The following PLPPR5 variants were observed in gnomAD, a reference collection of about 807,000 sequenced individuals.
The protein encoded by PLPPR5 is phospholipid phosphatase related 5.
A neutral mutation model predicts 33.9 loss-of-function variants in PLPPR5; 16 were observed. That is an observed-to-expected ratio of 0.47 (90% confidence interval 0.32 to 0.72). The LOEUF is 0.72. PLPPR5 is among the 30% of genes least tolerant of loss of function. The pLI is 0.03. For missense variants in PLPPR5, 301 were observed against 406.7 expected (o/e 0.74, Z 2.23); for synonymous variants, 163 against 150.3 (o/e 1.08, Z -0.62).
intron 1 of PLPPR5, among the ~76,000 whole-genome samples, chr1:98,986,064 C>T (rs1454005410): frequency 2.0e-5 from 3 of 151,916 alleles, no homozygotes; most frequent in Non-Finnish European, 4.4e-5. Context: ...TACAAATGCA[C>T]TTGTCACCGT....
chr1:98,952,385 G>C (rs1263150426), intron 3 of PLPPR5, among the ~76,000 whole-genome samples: 3 of 152,138 alleles, frequency 2.0e-5, no homozygotes, highest in Non-Finnish European at 4.4e-5. Context: ...GGGAGAGGCT[G>C]ATGGTACCAT....
In PLPPR5 at chr1:98,892,492, A is replaced by G. The variant is rs1648311399; in HGVS notation, c.*580T>C. The G allele has an allele frequency of 6.6e-6, 1 of 152,592 alleles. No homozygotes were observed. Among genetic ancestry groups the G allele is most frequent in the Admixed American group, 6.6e-5 (1 of 15,238 alleles). The allele number at this position is 152,592 out of a possible 1,614,324, so 9.5% of individuals were successfully genotyped here. ...ATGAATAGTATTTTAAGTGAAATAT[A>G]ACATAATATAATGTGGAAACATTAT... On this transcript the variant is annotated 3_prime_UTR_variant, in exon 6 of 6. Transcript: ENST00000263177.
Position 98,892,893 on chromosome 1 carries a change from G to T in PLPPR5, c.*179C>A. ...GACACAGAAAAAAAAAGACAATCCT[G>T]CCCTCGAGGAGCTCACAGTCTAGTG... On this transcript the variant is annotated 3_prime_UTR_variant, in exon 6 of 6. Coordinates refer to ENST00000263177, the MANE Select transcript of PLPPR5 (RefSeq NM_001037317.2). The T allele has an allele frequency of 1.7e-6, 1 of 605,650 alleles. No homozygotes were observed. Among genetic ancestry groups the T allele is most frequent in the Non-Finnish European group, 2.8e-6 (1 of 351,376 alleles). The allele number at this position is 605,650 out of a possible 1,614,324, so 37.5% of individuals were successfully genotyped here.
rs1056054608 is a variant in PLPPR5 at position 98,967,197 on chromosome 1, T to C, written c.238-10456A>G. Reference sequence around the variant, plus strand: ...ATAGAAAGAGAGGTTAAATAAATCCTAAAGTAAAAACAAATCCAACACTCT... The same window carrying C: ...ATAGAAAGAGAGGTTAAATAAATCCCAAAGTAAAAACAAATCCAACACTCT... On this transcript the variant is annotated intron_variant, in intron 1 of 5. Transcript: ENST00000263177. 4.6e-5 allele frequency among the ~76,000 whole-genome samples: 7 copies of C among 152,188 alleles called. No homozygotes were observed. The South Asian group carries it at 1.2e-3, about 27-fold the overall frequency.
chr1:98,940,825 G>T (rs2101191424), intron 3 of PLPPR5, among the ~76,000 whole-genome samples: 1 of 152,054 alleles, frequency 6.6e-6, no homozygotes, highest in Non-Finnish European at 1.5e-5. Context: ...CAGACATCTG[G>T]ATGCGGGGGT....
At chr1:98,907,579 G>C (rs982722727) in intron 5 of PLPPR5, among the ~76,000 whole-genome samples, 2 of 152,108 alleles carry the variant, frequency 1.3e-5, no homozygotes, top group African/African-American at 4.8e-5. Flanking sequence ...AAGGATTTAA[G>C]TTCTTGTCCT....
intron 3 of PLPPR5, among the ~76,000 whole-genome samples, chr1:98,924,597 G>C (rs1649683986): frequency 6.6e-6 from 1 of 152,146 alleles, no homozygotes; most frequent in African/African-American, 2.4e-5. Context: ...TACGGCTTCA[G>C]AAAAAATTTG....
intron 5 of PLPPR5, among the ~76,000 whole-genome samples, chr1:98,900,552 AT>A (rs1648660080): frequency 6.6e-6 from 1 of 152,208 alleles, no homozygotes; most frequent in Non-Finnish European, 1.5e-5. Flanking sequence ...TTTCACTATC[AT>A]AACAGCTGAT....
Position 98,893,067 on chromosome 1 carries a change from C to T in PLPPR5, c.*5G>A, listed in dbSNP as rs11585908. The T allele has an allele frequency of 1.4e-5, 23 of 1,610,492 alleles. No individual in the cohort carries two copies. The highest frequency in any genetic ancestry group is 5.5e-5 in the South Asian group (5 of 90,802). On this transcript the variant is annotated 3_prime_UTR_variant, in exon 6 of 6. Coordinates refer to ENST00000263177, the MANE Select transcript of PLPPR5 (RefSeq NM_001037317.2). ...CAATGCAGTGAAAAACCATCTGCTTCGATATCATGTGACTTCTGCGAAGGC... is the reference window on the plus strand; with the variant it reads ...CAATGCAGTGAAAAACCATCTGCTTTGATATCATGTGACTTCTGCGAAGGC...
chr1:98,932,445 C>T (rs1470015762), intron 3 of PLPPR5, among the ~76,000 whole-genome samples: 2 of 152,144 alleles, frequency 1.3e-5, no homozygotes, highest in South Asian at 2.1e-4. Flanking sequence ...AATAAATGAA[C>T]GTACTGCTTT....
chr1:98,981,443 C>T (rs1305316183), intron 1 of PLPPR5, among the ~76,000 whole-genome samples: 1 of 152,082 alleles, frequency 6.6e-6, no homozygotes, highest in Non-Finnish European at 1.5e-5. Flanking sequence ...TGAGAACACT[C>T]GTCCTTCACT....
intron 1 of PLPPR5, among the ~76,000 whole-genome samples, chr1:99,004,016 C>A (rs1652966145): frequency 6.6e-6 from 1 of 152,220 alleles, no homozygotes; most frequent in Non-Finnish European, 1.5e-5. Flanking sequence ...GATCCCCTCT[C>A]TCCTCGCCGG....
chr1:98,927,660 C>G (rs1170687567), intron 3 of PLPPR5, among the ~76,000 whole-genome samples: 1 of 152,170 alleles, frequency 6.6e-6, no homozygotes, highest in Non-Finnish European at 1.5e-5. Flanking sequence ...AGTACAAGCC[C>G]TTCTACTTTC....
intron 1 of PLPPR5, among the ~76,000 whole-genome samples, chr1:98,986,994 A>T (rs1652286492): frequency 6.6e-6 from 1 of 151,816 alleles, no homozygotes; most frequent in Non-Finnish European, 1.5e-5. Context: ...ATACTGAAAG[A>T]GCTAAGGTTT....
intron 2 of PLPPR5, among the ~76,000 whole-genome samples, chr1:98,956,284 C>G (rs2101218717): frequency 6.6e-6 from 1 of 152,140 alleles, no homozygotes; most frequent in South Asian, 2.1e-4. Flanking sequence ...AAATGACATC[C>G]TAAAGTGGGA....
Position 98,890,595 on chromosome 1 carries a change from T to C in PLPPR5, c.*2477A>G, listed in dbSNP as rs564590450. Reference sequence around the variant, plus strand: ...AAGTAAGTAGAATAAAAAGGAGATGTTTTTATCAGAAAGATATGTGTTTGC... The same window carrying C: ...AAGTAAGTAGAATAAAAAGGAGATGCTTTTATCAGAAAGATATGTGTTTGC... On this transcript the variant is annotated 3_prime_UTR_variant, in exon 6 of 6. Transcript: ENST00000263177. 6.6e-6 allele frequency: 1 copy of C among 152,650 alleles called. No homozygotes were observed. Among genetic ancestry groups the C allele is most frequent in the African/African-American group, 2.4e-5 (1 of 41,558 alleles). The allele number at this position is 152,650 out of a possible 1,614,324, so 9.5% of individuals were successfully genotyped here.
chr1:98,996,850 A>T (rs1293007302), intron 1 of PLPPR5, among the ~76,000 whole-genome samples: 1 of 152,122 alleles, frequency 6.6e-6, no homozygotes, highest in African/African-American at 2.4e-5. Context: ...ATATTGATGT[A>T]TACTCAATAT....
intron 3 of PLPPR5, among the ~76,000 whole-genome samples, chr1:98,930,347 T>C (rs1649918900): frequency 6.6e-6 from 1 of 152,156 alleles, no homozygotes; most frequent in South Asian, 2.1e-4. Flanking sequence ...CAGGATTTCT[T>C]CAGATAAGGA....
chr1:98,932,942 A>G (rs1650037270), intron 3 of PLPPR5, among the ~76,000 whole-genome samples: 1 of 152,152 alleles, frequency 6.6e-6, no homozygotes, highest in African/African-American at 2.4e-5. Context: ...CCTCAAGTAG[A>G]GAAGTATTTC....
Sources: allele counts gnomAD v4.1 joint callset (sites outside exome capture counted in the v4.1 genomes callset), GRCh38; gene constraint gnomAD v4.1.1; transcripts MANE v1.5; gene names NCBI Gene and HGNC (gene_info 2026-07-23, HGNC 2026-07-21).